MAPT: variants seen among roughly 807,000 people sequenced by gnomAD.
MAPT encodes microtubule associated protein tau.
MAPT carries 34 observed loss-of-function variants against 67.9 expected under a neutral mutation model. The observed-to-expected ratio is 0.50, with a 90% confidence interval of 0.38 to 0.67. The LOEUF is 0.67. Among genes scored for constraint, MAPT ranks in the 30% least tolerant of loss-of-function variants. The pLI, the probability that MAPT is intolerant of heterozygous loss-of-function variation, is 0.00. For missense variants in MAPT, 881 were observed against 1,115.2 expected, an observed-to-expected ratio of 0.79 and a Z score of 2.99; for synonymous variants, 456 against 464.5, an observed-to-expected ratio of 0.98 and a Z score of 0.23.
intron 1 of MAPT, among the ~76,000 whole-genome samples, chr17:45,902,680 C>T (rs2063700406): frequency 1.3e-5 from 2 of 152,206 alleles, no homozygotes; most frequent in African/African-American, 2.4e-5. Context: ...AGAATCCCAA[C>T]TTAAGAGGGT....
intron 1 of MAPT, among the ~76,000 whole-genome samples, chr17:45,908,753 T>C (rs2064517946): frequency 6.6e-6 from 1 of 152,134 alleles, no homozygotes; most frequent in African/African-American, 2.4e-5. Context: ...TCCCTCTAAC[T>C]AAAAGCAAGA....
At chr17:45,949,334 G>A (rs2068829597) in intron 1 of MAPT, among the ~76,000 whole-genome samples, 1 of 152,232 alleles carries the variant, frequency 6.6e-6, no homozygotes, top group East Asian at 1.9e-4. Context: ...CAGGTCCCCA[G>A]CTTGATGCGC....
intron 9 of MAPT, among the ~76,000 whole-genome samples, chr17:46,002,588 T>C (rs1398012894): frequency 6.6e-6 from 1 of 150,936 alleles, no homozygotes; most frequent in Non-Finnish European, 1.5e-5. Context: ...GGCCAATAGT[T>C]GGGATGTGAA....
chr17:45,974,172 G>A lies in MAPT; in HGVS notation c.220+2227G>A, dbSNP rs926292040. On this transcript the variant is annotated intron_variant, in intron 3 of 12. Transcript: ENST00000262410. Reference sequence around the variant, plus strand: ...GCTTTCCTGGTGGATGAGCTGGGCGGTTCATGAGCCAGAACCACTCAGCAG... The same window carrying A: ...GCTTTCCTGGTGGATGAGCTGGGCGATTCATGAGCCAGAACCACTCAGCAG... The A allele has an allele frequency of 5.0e-6, 3 of 595,570 alleles. No homozygotes were observed. In the African/African-American group the frequency reaches 5.5e-5, roughly 11 times the overall value. 36.9% of individuals were successfully genotyped at this position (595,570 alleles called of 1,614,324 possible). A position where few individuals can be genotyped will look rare whatever the true frequency, so the allele number is the denominator to read the frequency against.
At chr17:46,004,631 C>T (rs185342716) in intron 9 of MAPT, among the ~76,000 whole-genome samples, 18 of 152,274 alleles carry the variant, frequency 1.2e-4, no homozygotes, top group South Asian at 6.2e-4. Flanking sequence ...ATTCTATAAA[C>T]GGTGTTGACT....
intron 8 of MAPT, among the ~76,000 whole-genome samples, chr17:45,993,558 C>T (rs2074238683): frequency 6.6e-6 from 1 of 152,222 alleles, no homozygotes; most frequent in African/African-American, 2.4e-5. Flanking sequence ...GGACTACAGG[C>T]ACAGGCCACC....
Position 45,996,810 on chromosome 17 carries a change from C to A in MAPT, c.1998+146C>A. ...GCATGGAGGTGTGGGGCTCCCCGCA[C>A]CTGAGCACCCCCGCATAACACCCCA... On this transcript the variant is annotated intron_variant, in intron 9 of 12. Transcript: ENST00000262410. The surrounding 1 kb of genome is among the most constrained non-coding windows in gnomAD (Gnocchi z 4.5). The A allele has an allele frequency of 8.9e-7, 1 of 1,120,460 alleles. No homozygotes were observed. The allele number at this position is 1,120,460 out of a possible 1,614,324, so 69.4% of individuals were successfully genotyped here.
chr17:45,932,421 T>A (rs2066922482), intron 1 of MAPT, among the ~76,000 whole-genome samples: 1 of 151,474 alleles, frequency 6.6e-6, no homozygotes. Context: ...TGAAACTTCA[T>A]CTCTACAAAA....
At chr17:45,962,502 A>G (rs1302856844) in intron 2 of MAPT, 32 bp downstream of exon 2, 2 of 1,611,600 alleles carry the variant, frequency 1.2e-6, no homozygotes, top group Non-Finnish European at 8.5e-7. Flanking sequence ...GCAGGCCCAG[A>G]TCACTGCAAG....
chr17:45,904,223 T>G (rs1233365833), intron 1 of MAPT, among the ~76,000 whole-genome samples: 20 of 45,768 alleles, frequency 4.4e-4, no homozygotes, highest in East Asian at 3.7e-3. Context: ...ATATATATTA[T>G]ATATATTATA....
At chr17:45,910,214 T>C (rs1184873569) in intron 1 of MAPT, among the ~76,000 whole-genome samples, 1 of 152,064 alleles carries the variant, frequency 6.6e-6, no homozygotes, top group Non-Finnish European at 1.5e-5. Flanking sequence ...GTCCCCCCAC[T>C]CCCCAAATTA....
At position 46,018,614 on chromosome 17, in the gene MAPT, C is replaced by T; in HGVS notation, c.2174-4C>T. On this transcript the variant is annotated splice_region_variant and splice_polypyrimidine_tract_variant and intron_variant, in intron 11 of 12. Transcript: ENST00000262410. ...AAGATGCTCTTGTGTGTGTTGTGTT[C>T]TAGGAGGTGGCCAGGTGGAAGTAAA... 1 of 1,599,212 alleles carries T rather than the reference C, an allele frequency of 6.3e-7. No homozygotes were observed. Among genetic ancestry groups the T allele is most frequent in the Non-Finnish European group, 8.6e-7 (1 of 1,166,402 alleles).
In MAPT at chr17:46,025,000, G is replaced by A. The variant is rs2076745386; in HGVS notation, c.*829G>A. 2 of 152,882 alleles carry A rather than the reference G, an allele frequency of 1.3e-5. No homozygotes were observed. The highest frequency in any genetic ancestry group is 2.9e-5 in the Non-Finnish European group (2 of 68,542). 9.5% of individuals were successfully genotyped at this position (152,882 alleles called of 1,614,324 possible). On this transcript the variant is annotated 3_prime_UTR_variant, in exon 13 of 13. Coordinates refer to ENST00000262410, the MANE Select transcript of MAPT (RefSeq NM_001377265.1). ...CTTCGTGGATGACCTCCTTAGAAAA[G>A]ACTGACCTTGATGTCTTGAGAGCGC...
At chr17:45,956,545 C>A (rs964445107) in intron 1 of MAPT, among the ~76,000 whole-genome samples, 24 of 132,346 alleles carry the variant, frequency 1.8e-4, no homozygotes, top group African/African-American at 7.2e-4. Flanking sequence ...CTAGCAGGTT[C>A]TTTTATATAT....
At chr17:45,911,282 A>G (rs1239729556) in intron 1 of MAPT, among the ~76,000 whole-genome samples, 1 of 152,226 alleles carries the variant, frequency 6.6e-6, no homozygotes, top group Non-Finnish European at 1.5e-5. Flanking sequence ...AGCACTCAGT[A>G]ATTGATTCAC....
chr17:45,952,780 C>T (rs896984927), intron 1 of MAPT, among the ~76,000 whole-genome samples: 6 of 152,172 alleles, frequency 3.9e-5, no homozygotes, highest in African/African-American at 1.4e-4. Flanking sequence ...AGAGAAGTGG[C>T]TTGGTTACCC....
chr17:45,944,771 T>C (rs1386226280), intron 1 of MAPT, among the ~76,000 whole-genome samples: 2 of 151,992 alleles, frequency 1.3e-5, no homozygotes. Flanking sequence ...GACCCAAGGG[T>C]GCCTCTGAGA....
intron 1 of MAPT, among the ~76,000 whole-genome samples, chr17:45,922,839 T>C (rs1234810510): frequency 6.6e-6 from 1 of 151,764 alleles, no homozygotes; most frequent in Non-Finnish European, 1.5e-5. Context: ...AAAAATGGTG[T>C]TAACTAAACT....
At chr17:45,951,523 ATCTC>A (rs146803931) in intron 1 of MAPT, among the ~76,000 whole-genome samples, 7 of 148,232 alleles carry the variant, frequency 4.7e-5, no homozygotes, top group Middle Eastern at 3.5e-3. Flanking sequence ...CTTTGTTCTC[ATCTC>A]TCTCTCTCTC....
Sources: gnomAD v4.1 joint callset for allele counts (sites outside exome capture counted in the v4.1 genomes callset) on GRCh38, gnomAD v4.1.1 for gene constraint, Gnocchi (gnomAD v3.1) non-coding constraint, MANE v1.5 for transcripts, NCBI Gene and HGNC (gene_info 2026-07-23, HGNC 2026-07-21) for gene names.